ASTN1: variants seen among roughly 807,000 people sequenced by gnomAD.
ASTN1 encodes the protein astrotactin-1.
ASTN1 carries 41 observed loss-of-function variants against 140.7 expected under a neutral mutation model. The ratio of observed to expected loss-of-function variants is 0.29; its 90% CI spans 0.23 to 0.38. ASTN1 has a LOEUF of 0.38. Among genes scored for constraint, ASTN1 ranks in the 10% least tolerant of loss-of-function variants. The probability of loss-of-function intolerance (pLI) is 1.00; values close to 1 mark genes in which losing one functional copy is unlikely to be tolerated. For missense variants in ASTN1, 1,479 were observed against 1,678.8 expected (o/e 0.88, Z 2.08); for synonymous variants, 640 against 652.2 (o/e 0.98, Z 0.29).
In ASTN1 at chr1:177,024,732, A is replaced by C. The variant is rs759381441; in HGVS notation, c.1121T>G (p.Val374Gly). The change falls in exon 6 of 23, where the codon GTG (valine) becomes GGG (glycine). Residue 374 changes from valine to glycine, a missense_variant and splice_region_variant. Physicochemically the swap from Val to Gly is moderately radical, Grantham distance 109. Transcript: ENST00000361833. ...ATTCACAGGACTTCGGGGAGAACCC[A>C]CTGAAAGTGAGACAAAAGCAAGATA... ...DPSRSRRRSR[V>G]GSPRSPVNKT... 2 of 1,612,664 alleles carry C rather than the reference A, an allele frequency of 1.2e-6. No homozygotes were observed. Among genetic ancestry groups the C allele is most frequent in the Admixed American group, 3.3e-5 (2 of 59,966 alleles).
intron 16 of ASTN1, among the ~76,000 whole-genome samples, chr1:176,901,945 T>C (rs1460886060): frequency 3.3e-5 from 5 of 152,220 alleles, no homozygotes; most frequent in Non-Finnish European, 5.9e-5. Context: ...AAAATTAAGG[T>C]TACTATATGC....
intron 16 of ASTN1, among the ~76,000 whole-genome samples, chr1:176,915,944 C>A (rs1010224718): frequency 2.0e-5 from 3 of 152,198 alleles, no homozygotes; most frequent in African/African-American, 7.2e-5. Context: ...CTAGCTACTG[C>A]AGGGAGGTAT....
intron 8 of ASTN1, among the ~76,000 whole-genome samples, chr1:176,975,070 G>C (rs938103364): frequency 6.6e-6 from 1 of 152,228 alleles, no homozygotes; most frequent in African/African-American, 2.4e-5. Flanking sequence ...CCCCACATGG[G>C]AGAAGCTTAG....
At position 177,061,255 on chromosome 1, in the gene ASTN1, C is replaced by G. The variant is rs760195611; in HGVS notation, c.294G>C (p.Gly98=). Residue 98 remains glycine, a synonymous_variant, in exon 2 of 23, where the codon GGG becomes GGC. Transcript: ENST00000361833. ...GCACCAAAGGGATATCCTCTGTGTT[C>G]CCTGAGATCTCTAGAAGATGAACAC... ...ELPYFVLEIS[G]NTEDIPLVRW... is the part of the protein sequence containing the mutation. The G allele has an allele frequency of 1.9e-6, 3 of 1,542,150 alleles. No individual in the cohort carries two copies. Among genetic ancestry groups the G allele is most frequent in the Non-Finnish European group, 2.6e-6 (3 of 1,142,566 alleles).
rs78278910 is a variant in ASTN1 at position 177,138,714 on chromosome 1, T to C, written c.283+25680A>G. Among the ~76,000 whole-genome samples, 879 of 152,340 alleles carry C rather than the reference T, an allele frequency of 5.8e-3. 8 individuals carry two copies. The highest frequency in any genetic ancestry group is 0.02 in the African/African-American group (843 of 41,580). On this transcript the variant is annotated intron_variant, in intron 1 of 22. Transcript: ENST00000361833. ...CTGAGCTTCCTTAGAAAGCTTTCAT[T>C]AATCAGGATATCACTGAACAGAAAA...
At chr1:177,039,787 C>G (rs1193772372) in intron 2 of ASTN1, among the ~76,000 whole-genome samples, 1 of 152,180 alleles carries the variant, frequency 6.6e-6, no homozygotes. Flanking sequence ...CCCTGTCAAA[C>G]AGGAAATGGC....
rs531665114 is a variant in ASTN1 at position 176,958,329 on chromosome 1, C to A, written c.1736+16G>T. The A allele has an allele frequency of 3.2e-5, 51 of 1,613,848 alleles. No homozygotes were observed. The highest frequency in any genetic ancestry group is 4.0e-5 in the Non-Finnish European group (47 of 1,179,844). On this transcript the variant is annotated intron_variant, in intron 10 of 22. Transcript: ENST00000361833. ...CCCAAGCCAATTGCAGGCCTCAGTC[C>A]TGAAGCCAGACTCACCTGACCTCCA...
intron 1 of ASTN1, among the ~76,000 whole-genome samples, chr1:177,108,992 A>G (rs1680683967): frequency 6.6e-6 from 1 of 152,134 alleles, no homozygotes; most frequent in Non-Finnish European, 1.5e-5. Context: ...TAAGCTGGAA[A>G]AGCACGCAAA....
chr1:176,973,388 C>A (rs1673225245), intron 8 of ASTN1, among the ~76,000 whole-genome samples: 1 of 152,104 alleles, frequency 6.6e-6, no homozygotes, highest in South Asian at 2.1e-4. Flanking sequence ...CCTCAACTCC[C>A]ACGCTCCTCT....
chr1:177,075,069 A>G (rs903078664), intron 1 of ASTN1, among the ~76,000 whole-genome samples: 1 of 151,848 alleles, frequency 6.6e-6, no homozygotes, highest in Non-Finnish European at 1.5e-5. Flanking sequence ...AAATTCTTCC[A>G]ATTTCTTGCT....
rs552732855 is a variant in ASTN1 at position 176,921,093 on chromosome 1, C to T, written c.2671+13059G>A. Reference sequence around the variant, plus strand: ...AGTGTAGCGTTAATCACCTTCATTTCGTAGAGTAGATGGCCATTAGGGCCA... The same window carrying T: ...AGTGTAGCGTTAATCACCTTCATTTTGTAGAGTAGATGGCCATTAGGGCCA... On this transcript the variant is annotated intron_variant, in intron 16 of 22. Transcript: ENST00000361833. 3.9e-5 allele frequency among the ~76,000 whole-genome samples: 6 copies of T among 152,292 alleles called. No homozygotes were observed. The South Asian group carries it at 1.0e-3, about 26-fold the overall frequency.
intron 1 of ASTN1, among the ~76,000 whole-genome samples, chr1:177,085,689 G>T (rs1679430704): frequency 6.6e-6 from 1 of 152,174 alleles, no homozygotes; most frequent in African/African-American, 2.4e-5. Flanking sequence ...GTTGTTGTCA[G>T]TTGGCCAGAA....
intron 1 of ASTN1, among the ~76,000 whole-genome samples, chr1:177,065,426 A>T (rs894259638): frequency 2.0e-5 from 3 of 152,242 alleles, no homozygotes; most frequent in African/African-American, 7.2e-5. Flanking sequence ...AAATTGTGTT[A>T]CATGGTCCCT....
At chr1:177,133,154 C>A (rs1461685670) in intron 1 of ASTN1, among the ~76,000 whole-genome samples, 1 of 152,172 alleles carries the variant, frequency 6.6e-6, no homozygotes, top group Non-Finnish European at 1.5e-5. Flanking sequence ...TGTAAAGATG[C>A]CTCTAAGCAT....
Position 176,981,211 on chromosome 1 carries a change from CAAAAAAAAAAAAAAAAA to C in ASTN1, c.1524-15991_1524-15975del, listed in dbSNP as rs35209486. ...TGGGTGACAGAAGGAGACTCTGTCT[CAAAAAAAAAAAAAAAAA>C]AAAAAAAAAAAAAGGAAGCACAAAG... On this transcript the variant is annotated intron_variant, in intron 8 of 22. Coordinates refer to ENST00000361833, the MANE Select transcript of ASTN1 (RefSeq NM_004319.3). 3.6e-3 allele frequency among the ~76,000 whole-genome samples: 86 copies of C among 24,066 alleles called. 1 individual carries two copies. The highest frequency in any genetic ancestry group is 8.5e-3 in the African/African-American group (79 of 9,310). 15.8% of individuals were successfully genotyped at this position (24,066 alleles called of 152,430 possible).
chr1:176,932,300 T>C (rs1671241117), intron 16 of ASTN1, among the ~76,000 whole-genome samples: 1 of 152,202 alleles, frequency 6.6e-6, no homozygotes, highest in South Asian at 2.1e-4. Flanking sequence ...TTGTCATTCC[T>C]AGGGTAAAGT....
chr1:177,076,572 A>G (rs140392435), intron 1 of ASTN1, among the ~76,000 whole-genome samples: 21 of 149,526 alleles, frequency 1.4e-4, no homozygotes, highest in African/African-American at 5.2e-4. Context: ...CCCAGGCTGG[A>G]GTGCAGTGGC....
intron 1 of ASTN1, among the ~76,000 whole-genome samples, chr1:177,102,183 G>A (rs188713911): frequency 6.6e-6 from 1 of 152,208 alleles, no homozygotes; most frequent in East Asian, 1.9e-4. Flanking sequence ...AGTACACAGA[G>A]GTCTATCCTC....
At chr1:177,115,755 A>G (rs1271570181) in intron 1 of ASTN1, among the ~76,000 whole-genome samples, 2 of 152,138 alleles carry the variant, frequency 1.3e-5, no homozygotes, top group South Asian at 4.1e-4. Flanking sequence ...ATAAAAATAT[A>G]AAGAAGAAAA....
Sources: allele counts gnomAD v4.1 joint callset (sites outside exome capture counted in the v4.1 genomes callset), GRCh38; gene constraint gnomAD v4.1.1; transcripts MANE v1.5; gene names NCBI Gene and HGNC (gene_info 2026-07-23, HGNC 2026-07-21).